The following PLEKHM1 variants were observed in gnomAD, a reference collection of about 807,000 sequenced individuals.
PLEKHM1 encodes pleckstrin homology domain-containing family M member 1.
Under a neutral mutation model 94.3 loss-of-function variants are expected in PLEKHM1, and 28 were observed. The observed-to-expected ratio is 0.30, with a 90% CI of 0.22 to 0.41. The LOEUF (loss-of-function observed/expected upper bound fraction) is 0.41. Ranked by LOEUF, PLEKHM1 falls within the 10% of genes least tolerant of loss-of-function variation. The pLI, the probability that PLEKHM1 is intolerant of heterozygous loss-of-function variation, is 1.00. For missense variants in PLEKHM1, 907 were observed against 1,358.6 expected, an observed-to-expected ratio of 0.67 and a Z score of 5.22; for synonymous variants, 424 against 581.2, an observed-to-expected ratio of 0.73 and a Z score of 3.89.
In PLEKHM1 at chr17:45,458,402, C is replaced by G. The variant is rs766246528; in HGVS notation, c.1346G>C (p.Arg449Pro). ...CTCCAGGGGTTGCTCCCGGGAAGGC[C>G]GGTAGAAGTCATCCTCTGAGATCCA... ...KSWISEDDFY[R>P]PSREQPLESA... The change falls in exon 6 of 12, where the codon CGG becomes CCG. Residue 449 changes from arginine to proline, a missense_variant. Coordinates refer to ENST00000430334, the MANE Select transcript of PLEKHM1 (RefSeq NM_014798.3). 4 of 1,613,678 alleles carry G rather than the reference C, an allele frequency of 2.5e-6. No individual in the cohort carries two copies. The highest frequency in any genetic ancestry group is 2.7e-5 in the African/African-American group (2 of 74,894).
chr17:45,471,257 C>T (rs1324336583), intron 4 of PLEKHM1, among the ~76,000 whole-genome samples: 4 of 150,526 alleles, frequency 2.7e-5, no homozygotes, highest in African/African-American at 9.8e-5. Context: ...CCACTTTATA[C>T]CCACTGGGTT....
intron 6 of PLEKHM1, among the ~76,000 whole-genome samples, chr17:45,455,182 G>A (rs2684507): frequency 1.3e-5 from 2 of 152,170 alleles, no homozygotes; most frequent in South Asian, 2.1e-4. Context: ...ATTCCTTCTC[G>A]AACCTGCTCC....
At position 45,444,901 on chromosome 17, in the gene PLEKHM1, T is replaced by A. The variant is rs2050555265; in HGVS notation, c.2837+569A>T. Among the ~76,000 whole-genome samples the A allele has an allele frequency of 6.6e-6, 1 of 151,446 alleles. No individual in the cohort carries two copies. The highest frequency in any genetic ancestry group is 1.5e-5 in the Non-Finnish European group (1 of 67,862). ...AGATGGAGTTGCTGGCTTTCCCACC[T>A]GTCTCCCTCTCACCCTCACCCCCGG... On this transcript the variant is annotated intron_variant, in intron 9 of 11. Coordinates refer to ENST00000430334, the MANE Select transcript of PLEKHM1 (RefSeq NM_014798.3). The surrounding 1 kb of genome is among the most constrained non-coding windows in gnomAD (Gnocchi z 5.0).
intron 6 of PLEKHM1, chr17:45,454,602 A>G (rs2050888161): frequency 1.9e-6 from 1 of 526,472 alleles, no homozygotes; most frequent in African/African-American, 1.9e-5. Flanking sequence ...GCGTGAGGCC[A>G]AACCCTCCAT....
At position 45,445,600 on chromosome 17, in the gene PLEKHM1, T is replaced by A. The variant is rs1291417553; in HGVS notation, c.2707A>T (p.Met903Leu). 5 of 1,613,630 alleles carry A rather than the reference T, an allele frequency of 3.1e-6. No homozygotes were observed. The highest frequency in any genetic ancestry group is 1.1e-5 in the South Asian group (1 of 91,082). ...TGCTCGTACAGAGACGCGTTCACCA[T>A]CTGCAGGTTGATGAGGGGCTGGGCC... Reference protein sequence around the residue: ...IRAQPLINLQMVNASLYEHVE... With the variant: ...IRAQPLINLQLVNASLYEHVE... Residue 903 changes from methionine (M) to leucine (L), a missense_variant, in exon 9 of 12, where the codon ATG (methionine) becomes TTG (leucine). This residue lies in a region of PLEKHM1 where 254 missense variants were observed against 451.1 expected (regional missense o/e 0.56). Transcript: ENST00000430334. This position sits in a 1 kb window ranked among gnomAD's most constrained non-coding sequence, Gnocchi z 4.2.
At chr17:45,450,538 A>G in intron 8 of PLEKHM1, 80 bp downstream of exon 8, 1 of 1,539,520 alleles carries the variant, frequency 6.5e-7, no homozygotes. Context: ...AAACTCCTCT[A>G]AACAGATGAA....
chr17:45,439,943 G>C, intron 10 of PLEKHM1: 1 of 636,810 alleles, frequency 1.6e-6, no homozygotes. Flanking sequence ...CTGTGATCCT[G>C]GGGTTGCTGG....
chr17:45,478,470 A>G (rs921165390), intron 2 of PLEKHM1, among the ~76,000 whole-genome samples: 14 of 152,248 alleles, frequency 9.2e-5, no homozygotes, highest in Admixed American at 8.5e-4. Flanking sequence ...CTTGTGTTTA[A>G]ATATTGGCCC....
chr17:45,478,855 G>T (rs1032821459), intron 2 of PLEKHM1, among the ~76,000 whole-genome samples: 2 of 151,906 alleles, frequency 1.3e-5, no homozygotes, highest in Non-Finnish European at 2.9e-5. Context: ...CCTAGGCCTG[G>T]AAGCCAGAGG....
downstream of PLEKHM1, chr17:45,435,840 C>T: frequency 4.9e-6 from 2 of 412,048 alleles, no homozygotes; most frequent in Non-Finnish European, 9.8e-6. Context: ...CAGATGGTAA[C>T]AGATGGCTGG....
chr17:45,456,653 C>G (rs1431630445), intron 6 of PLEKHM1, among the ~76,000 whole-genome samples: 1 of 152,242 alleles, frequency 6.6e-6, no homozygotes, highest in East Asian at 1.9e-4. Flanking sequence ...CCGGGCTCTA[C>G]CCACACAACC....
chr17:45,440,799 A>G, intron 9 of PLEKHM1: 1 of 187,230 alleles, frequency 5.3e-6, no homozygotes, highest in Non-Finnish European at 1.1e-5. Context: ...AAATGCCTAG[A>G]GATGCAGGCT....
intron 8 of PLEKHM1, 149 bp downstream of exon 8, chr17:45,450,469 G>A: frequency 1.5e-6 from 2 of 1,316,144 alleles, no homozygotes; most frequent in South Asian, 1.3e-5. Flanking sequence ...CTCTTGGTTA[G>A]CTCCCCAACA....
intron 5 of PLEKHM1, among the ~76,000 whole-genome samples, chr17:45,463,416 G>A (rs1404674734): frequency 6.6e-6 from 1 of 152,086 alleles, no homozygotes; most frequent in East Asian, 1.9e-4. Context: ...TTTTAGAGAT[G>A]GAGTCTTACT....
chr17:45,488,565 A>G lies in PLEKHM1; in HGVS notation c.-42+2087T>C, dbSNP rs191463515. On this transcript the variant is annotated intron_variant, in intron 1 of 11. Transcript: ENST00000430334. ...ATATACTGCATATTAATGGGAGGAC[A>G]TTGAAGGTAAACAGCATTCACTTTT... Among the ~76,000 whole-genome samples, 291 of 152,288 alleles carry G rather than the reference A, an allele frequency of 1.9e-3. 13 individuals are homozygous for G. Among genetic ancestry groups the G allele is most frequent in the Admixed American group, 0.016 (250 of 15,304 alleles).
At chr17:45,475,845 A>T in intron 3 of PLEKHM1, 119 bp from the exon 4 acceptor site, 1 of 1,113,210 alleles carries the variant, frequency 9.0e-7, no homozygotes, top group Non-Finnish European at 1.3e-6. Context: ...GCATGAAAAA[A>T]TATTGGGTAA....
At position 45,476,141 on chromosome 17, in the gene PLEKHM1, A is replaced by ATATATT. The variant is rs913487086; in HGVS notation, c.297-421_297-416dup. 3.4e-5 allele frequency: 5 copies of ATATATT among 147,574 alleles called. No individual in the cohort carries two copies. In the Admixed American group the frequency reaches 3.4e-4, roughly 10 times the overall value. The allele number at this position is 147,574 out of a possible 1,614,324, so 9.1% of individuals were successfully genotyped here. A position where few individuals can be genotyped will look rare whatever the true frequency, so the allele number is the denominator to read the frequency against. The stretch of plus-strand genomic sequence containing the variant: ...ACTCCAGCCTAGGCAATATATATAT[A>ATATATT]TATATTTATATTTATATATAATAAA... On this transcript the variant is annotated intron_variant, in intron 3 of 11. Coordinates refer to ENST00000430334, the MANE Select transcript of PLEKHM1 (RefSeq NM_014798.3).
At position 45,436,228 on chromosome 17, in the gene PLEKHM1, C is replaced by T. The variant is rs770220553; in HGVS notation, c.*1630G>A. 6.6e-6 allele frequency: 3 copies of T among 454,330 alleles called. No homozygotes were observed. Among genetic ancestry groups the T allele is most frequent in the Non-Finnish European group, 1.3e-5 (3 of 226,890 alleles). 28.1% of individuals were successfully genotyped at this position (454,330 alleles called of 1,614,324 possible). ...GGCTCCTGCCCACTCAGGGATGGGG[C>T]AATGAGGGCTCTGACTAGGCTGGGC... On this transcript the variant is annotated 3_prime_UTR_variant, in exon 12 of 12. Coordinates refer to ENST00000430334, the MANE Select transcript of PLEKHM1 (RefSeq NM_014798.3).
intron 7 of PLEKHM1, among the ~76,000 whole-genome samples, chr17:45,451,773 TGA>T (rs2145208273): frequency 6.6e-6 from 1 of 151,898 alleles, no homozygotes; most frequent in East Asian, 1.9e-4. Flanking sequence ...GCAGCCATGG[TGA>T]GAGTTGCCCC....
Sources: gnomAD v4.1 joint callset for allele counts (sites outside exome capture counted in the v4.1 genomes callset) on GRCh38, gnomAD v4.1.1 for gene constraint, gnomAD v4.1.1 regional missense constraint, Gnocchi (gnomAD v3.1) non-coding constraint, MANE v1.5 for transcripts, NCBI Gene and HGNC (gene_info 2026-07-23, HGNC 2026-07-21) for gene names.